The following CDKL5 variants were observed in gnomAD, a reference collection of about 807,000 sequenced individuals.
CDKL5 encodes cyclin dependent kinase like 5, also known as cyclin-dependent kinase-like 5.
A neutral mutation model predicts 61.7 loss-of-function variants in CDKL5; 8 were observed. The ratio of observed to expected loss-of-function variants is 0.13; its 90% CI spans 0.08 to 0.23. The LOEUF (loss-of-function observed/expected upper bound fraction) is 0.23, where lower values mean the gene tolerates loss of function less well. Ranked by LOEUF, CDKL5 falls within the 10% of genes least tolerant of loss-of-function variation. The probability of loss-of-function intolerance (pLI) is 1.00; values close to 1 mark genes in which losing one functional copy is unlikely to be tolerated. For missense variants in CDKL5, 440 were observed against 734.5 expected (o/e 0.60, Z 4.63); for synonymous variants, 275 against 272.3 (o/e 1.01, Z -0.10).
rs200236257 is a variant in CDKL5 at position 18,650,442 on chromosome X, C to G, written c.2830C>G (p.Pro944Ala). Residue 944 changes from proline (P) to alanine (A), a missense_variant, in exon 21 of 22, where the codon CCT becomes GCT. Pro to Ala is a conservative substitution (Grantham distance 27). Transcript: ENST00000379989. Reference sequence around the variant, plus strand: ...CTTCTGCTGTGGTGACCCAAAGAAGCCTCACACTCCGTGCGTCCCAAACCG... The same window carrying G: ...CTTCTGCTGTGGTGACCCAAAGAAGGCTCACACTCCGTGCGTCCCAAACCG... 4 of 1,211,841 alleles carry G rather than the reference C, an allele frequency of 3.3e-6. No individual in the cohort carries two copies. The highest frequency in any genetic ancestry group is 3.5e-5 in the South Asian group (2 of 57,008).
Position 18,430,955 on chromosome X carries a change from A to G in CDKL5, c.-163+5260A>G, listed in dbSNP as rs760426964. Among the ~76,000 whole-genome samples the G allele has an allele frequency of 4.4e-3, 469 of 105,987 alleles. 2 individuals carry two copies. In the Middle Eastern group the frequency reaches 0.045, roughly 10 times the overall value. The allele number at this position is 105,987 out of a possible 115,157, so 92.0% of individuals were successfully genotyped here. A position where few individuals can be genotyped will look rare whatever the true frequency, so the allele number is the denominator to read the frequency against. On this transcript the variant is annotated intron_variant, in intron 1 of 17. Coordinates refer to ENST00000623535, the MANE Select transcript of CDKL5 (RefSeq NM_001323289.2). ...CGGCTCGCCGCAACCTCCGCCCCCC[A>G]GGTTCAAGTGATTCTCTTGCCTTAG... is the stretch of plus-strand genomic sequence containing the variant.
chrX:18,562,446 A>G (rs1924834371), intron 3 of CDKL5, among the ~76,000 whole-genome samples: 1 of 112,365 alleles, frequency 8.9e-6, no homozygotes, highest in African/African-American at 3.2e-5. Flanking sequence ...GTGAAATAAA[A>G]ACAACATACA....
intron 20 of CDKL5, chrX:18,650,247 ACT>A (rs759300139): frequency 1.9e-6 from 1 of 514,998 alleles, no homozygotes; most frequent in Non-Finnish European, 3.4e-6. Context: ...TGTGTGGCTC[ACT>A]CTGCGATCTA....
At chrX:18,641,969 GT>G, downstream of CDKL5, 2 of 1,208,469 alleles carry the variant, frequency 1.7e-6, no homozygotes, top group Non-Finnish European at 2.2e-6. Flanking sequence ...CTCTGTGCCA[GT>G]CACCCCCTGG....
intron 16 of CDKL5, among the ~76,000 whole-genome samples, chrX:18,622,716 T>C (rs2147174147): frequency 9.0e-6 from 1 of 111,547 alleles, no homozygotes; most frequent in Non-Finnish European, 1.9e-5. Context: ...AAGCAAGTTG[T>C]GGGCTTGCTT....
intron 4 of CDKL5, among the ~76,000 whole-genome samples, chrX:18,566,823 C>T (rs1045002973): frequency 9.0e-6 from 1 of 111,387 alleles, no homozygotes; most frequent in Non-Finnish European, 1.9e-5. Context: ...GACATTTGAT[C>T]TGCCCTTATT....
At chrX:18,615,997 G>A (rs1926702307) in intron 15 of CDKL5, among the ~76,000 whole-genome samples, 1 of 111,664 alleles carries the variant, frequency 9.0e-6, no homozygotes, top group Non-Finnish European at 1.9e-5. Flanking sequence ...AATATGGTGG[G>A]ATTAATCATC....
In CDKL5 at chrX:18,635,249, T is replaced by G. The variant is rs1927350377; in HGVS notation, c.*6492T>G. 5 of 750,882 alleles carry G rather than the reference T, an allele frequency of 6.7e-6. No individual in the cohort carries two copies. The highest frequency in any genetic ancestry group is 7.9e-6 in the Non-Finnish European group (5 of 636,263). The allele number at this position is 750,882 out of a possible 1,213,427, so 61.9% of individuals were successfully genotyped here. ...TTCCATTCTAAACTTATGTAAAATT[T>G]CTATTGTTGCTGTAAATATTACACA... On this transcript the variant is annotated 3_prime_UTR_variant, in exon 18 of 18. Transcript: ENST00000623535.
intron 3 of CDKL5, among the ~76,000 whole-genome samples, chrX:18,513,970 A>G (rs1348013005): frequency 2.7e-5 from 3 of 112,135 alleles, no homozygotes; most frequent in African/African-American, 9.7e-5. Flanking sequence ...ATAAAAATGT[A>G]TAAGTCAGGT....
chrX:18,449,111 T>C (rs1569184833), intron 1 of CDKL5, among the ~76,000 whole-genome samples: 2 of 112,127 alleles, frequency 1.8e-5, no homozygotes, highest in African/African-American at 6.5e-5. Context: ...CGCCTTGGCC[T>C]CCCAAAGTGC....
At chrX:18,451,746 C>T (rs940773523) in intron 1 of CDKL5, among the ~76,000 whole-genome samples, 8 of 110,174 alleles carry the variant, frequency 7.3e-5, no homozygotes, top group African/African-American at 2.6e-4. Flanking sequence ...GCCATGTTGC[C>T]CAGGCTGGTC....
chrX:18,610,232 C>G lies in CDKL5; in HGVS notation c.2152+662C>G, dbSNP rs1926504596. 2.7e-5 allele frequency among the ~76,000 whole-genome samples: 3 copies of G among 112,198 alleles called. No individual in the cohort carries two copies. In the Admixed American group the frequency reaches 2.8e-4, roughly 10 times the overall value. ...TCTCCAGCCACTTTCTCCCCCACCC[C>G]CCAGGTCTCTCTCGTACCCAGCCTA... On this transcript the variant is annotated intron_variant, in intron 14 of 17. Transcript: ENST00000623535.
chrX:18,462,616 A>C (rs1036605385), intron 1 of CDKL5, among the ~76,000 whole-genome samples: 22 of 112,094 alleles, frequency 2.0e-4, no homozygotes, highest in South Asian at 1.1e-3. Context: ...ATTGAGTACT[A>C]GGGTGTGAGT....
chrX:18,632,361 C>A lies in CDKL5; in HGVS notation c.*3604C>A, dbSNP rs1361105036. ...TTCTAGGTTAGCATCCTTAGAAAAT[C>A]TTTCATAGAGCCATGAGGCTTATAT... On this transcript the variant is annotated 3_prime_UTR_variant, in exon 18 of 18. Transcript: ENST00000623535. The A allele has an allele frequency of 2.7e-5, 20 of 752,545 alleles. No homozygotes were observed. The highest frequency in any genetic ancestry group is 3.1e-5 in the Non-Finnish European group (20 of 638,950). 62.0% of individuals were successfully genotyped at this position (752,545 alleles called of 1,213,427 possible). A position where few individuals can be genotyped will look rare whatever the true frequency, so the allele number is the denominator to read the frequency against.
At chrX:18,618,879 G>C (rs1452852081) in intron 15 of CDKL5, among the ~76,000 whole-genome samples, 1 of 111,073 alleles carries the variant, frequency 9.0e-6, no homozygotes, top group Non-Finnish European at 1.9e-5. Flanking sequence ...TGAGGCAGGA[G>C]AATCACTTGA....
chrX:18,524,025 G>A (rs779639989), intron 3 of CDKL5, among the ~76,000 whole-genome samples: 1 of 111,610 alleles, frequency 9.0e-6, no homozygotes, highest in East Asian at 2.8e-4. Context: ...TACCATCTGT[G>A]AATAGGGGTA....
intron 1 of CDKL5, among the ~76,000 whole-genome samples, chrX:18,442,582 C>T (rs945829241): frequency 8.1e-5 from 9 of 111,224 alleles, no homozygotes; most frequent in Non-Finnish European, 1.3e-4. Context: ...CAAGCTCCGC[C>T]TCCCGGGTTC....
chrX:18,584,119 A>G, intron 7 of CDKL5, 144 bp from the exon 8 acceptor site: 1 of 501,630 alleles, frequency 2.0e-6, no homozygotes, highest in Non-Finnish European at 3.6e-6. Flanking sequence ...GATAACAAGG[A>G]TATTATTAAT....
chrX:18,493,090 T>G (rs1922050116), intron 1 of CDKL5, among the ~76,000 whole-genome samples: 1 of 111,556 alleles, frequency 9.0e-6, no homozygotes. Context: ...TATTTTCTCC[T>G]GGAGCATCCC....
Sources: allele counts gnomAD v4.1 joint callset (sites outside exome capture counted in the v4.1 genomes callset), GRCh38; gene constraint gnomAD v4.1.1; transcripts MANE v1.5; gene names NCBI Gene and HGNC (gene_info 2026-07-23, HGNC 2026-07-21).